TNS4: variants seen among roughly 807,000 people sequenced by gnomAD.
TNS4 encodes the protein tensin-4.
A neutral mutation model predicts 70.4 loss-of-function variants in TNS4; 46 were observed. The ratio of observed to expected loss-of-function variants is 0.65; its 90% confidence interval spans 0.52 to 0.84. The LOEUF (loss-of-function observed/expected upper bound fraction) is 0.84, where lower values mean the gene tolerates loss of function less well. Ranked by LOEUF, TNS4 falls within the 40% of genes least tolerant of loss-of-function variation. The pLI is 0.00. For missense variants in TNS4, 863 were observed against 907.0 expected, an observed-to-expected ratio of 0.95 and a Z score of 0.62; for synonymous variants, 390 against 366.6, an observed-to-expected ratio of 1.06 and a Z score of -0.73.
At chr17:40,495,761 A>G (rs1239501026) in intron 2 of TNS4, among the ~76,000 whole-genome samples, 3 of 152,156 alleles carry the variant, frequency 2.0e-5, no homozygotes, top group Non-Finnish European at 4.4e-5. Context: ...GAAAATCAGT[A>G]TCTATCACTT....
chr17:40,477,759 G>A (rs1423968020), intron 12 of TNS4, 30 bp from the exon 13 acceptor site: 2 of 1,610,716 alleles, frequency 1.2e-6, no homozygotes, highest in African/African-American at 1.3e-5. Context: ...TGAGTGAGGG[G>A]TGGGACCCAG....
chr17:40,489,134 C>T (rs2036033681), intron 2 of TNS4, among the ~76,000 whole-genome samples, 165 bp from the exon 3 acceptor site: 1 of 152,104 alleles, frequency 6.6e-6, no homozygotes, highest in African/African-American at 2.4e-5. Context: ...GGCCCAGTTC[C>T]AGTCACCCTC....
chr17:40,482,530 G>A (rs964631037), intron 6 of TNS4, 114 bp from the exon 7 acceptor site: 12 of 894,970 alleles, frequency 1.3e-5, no homozygotes, highest in Non-Finnish European at 3.5e-6. Flanking sequence ...GATCACTTGA[G>A]GTCAGGAGTT....
intron 6 of TNS4, among the ~76,000 whole-genome samples, chr17:40,484,063 A>G (rs915852626): frequency 1.3e-5 from 2 of 152,252 alleles, no homozygotes; most frequent in Non-Finnish European, 2.9e-5. Context: ...CATATAAGCT[A>G]TCACACACAT....
At chr17:40,478,417 G>T (rs2035877689) in intron 11 of TNS4, 84 bp from the exon 12 acceptor site, 1 of 1,568,036 alleles carries the variant, frequency 6.4e-7, no homozygotes. Flanking sequence ...CTGGCCAGCT[G>T]CGTCCCCACC....
At chr17:40,497,739 C>CG (rs2036164386) in intron 1 of TNS4, among the ~76,000 whole-genome samples, 1 of 145,608 alleles carries the variant, frequency 6.9e-6, no homozygotes, top group Non-Finnish European at 1.5e-5. Context: ...GGAGATGGGG[C>CG]GGGGGAGGCA....
intron 4 of TNS4, 140 bp downstream of exon 4, chr17:40,486,894 CTG>C: frequency 9.1e-7 from 1 of 1,096,336 alleles, no homozygotes; most frequent in African/African-American, 1.6e-5. Context: ...CTGTTTCCCT[CTG>C]TGTGTCCTCA....
At chr17:40,482,016 G>T in intron 8 of TNS4, 113 bp downstream of exon 8, 3 of 1,254,510 alleles carry the variant, frequency 2.4e-6, no homozygotes, top group Non-Finnish European at 3.3e-6. Context: ...AGTGCACACA[G>T]TTTTAACCGT....
intron 10 of TNS4, among the ~76,000 whole-genome samples, chr17:40,479,154 C>T (rs772634542): frequency 1.3e-5 from 2 of 152,040 alleles, no homozygotes; most frequent in East Asian, 3.9e-4. Context: ...TTCCTTCCTT[C>T]CTTCCTTTTT....
Position 40,488,943 on chromosome 17 carries a change from C to A in TNS4, c.466G>T (p.Ala156Ser). 1 of 1,591,956 alleles carries A rather than the reference C, an allele frequency of 6.3e-7. No individual in the cohort carries two copies. The highest frequency in any genetic ancestry group is 8.5e-7 in the Non-Finnish European group (1 of 1,171,408). ...GGGCCATCGTGGCACCTTGATCTGG[C>A]GGAGGTCACCTCGATGTACTTTATG... ...LDIKYIEVTS[A>S]RSRCHDGPQH... The change falls in exon 3 of 13, where the codon GCC becomes TCC. Residue 156 changes from alanine (A) to serine (S), a missense_variant. Coordinates refer to ENST00000254051, the MANE Select transcript of TNS4 (RefSeq NM_032865.6).
intron 12 of TNS4, 30 bp downstream of exon 12, chr17:40,478,277 G>C: frequency 6.2e-7 from 1 of 1,613,914 alleles, no homozygotes; most frequent in East Asian, 2.2e-5. Context: ...CCCATGTTGG[G>C]TTTGGGGCCC....
chr17:40,478,556 A>G lies in TNS4; in HGVS notation c.1979+24T>C, dbSNP rs763491047. 1.3e-5 allele frequency: 21 copies of G among 1,613,570 alleles called. No individual in the cohort carries two copies. The South Asian group carries it at 2.0e-4, about 15-fold the overall frequency. On this transcript the variant is annotated intron_variant, in intron 11 of 12. Transcript: ENST00000254051. ...CAGCGGGGCCCTGGACAGCCTTCTT[A>G]GTTTGGCCCAGCCTTGAACTTACTT...
intron 1 of TNS4, among the ~76,000 whole-genome samples, chr17:40,501,258 C>T (rs2036211377): frequency 6.6e-6 from 1 of 152,084 alleles, no homozygotes; most frequent in Non-Finnish European, 1.5e-5. Context: ...ACCAGCCTGG[C>T]CAACATGGTG....
chr17:40,495,534 A>G (rs779108149), intron 2 of TNS4, among the ~76,000 whole-genome samples: 17 of 152,078 alleles, frequency 1.1e-4, no homozygotes, highest in Non-Finnish European at 2.1e-4. Context: ...TACCATTTCC[A>G]GCGTGGGCCT....
chr17:40,488,569 A>G lies in TNS4; in HGVS notation c.840T>C (p.Ser280=). 1 of 1,510,812 alleles carries G rather than the reference A, an allele frequency of 6.6e-7. No individual in the cohort carries two copies. Among genetic ancestry groups the G allele is most frequent in the Admixed American group, 2.3e-5 (1 of 43,604 alleles). The allele number at this position is 1,510,812 out of a possible 1,614,324, so 93.6% of individuals were successfully genotyped here. ...RISVLSASPV[S]DVSYMFGSSQ... is the part of the protein sequence containing the mutation. ...ACCTTCCAAACATATAGCTGACATC[A>G]GACACTGGGCTGGCTGACAGCACAG... is the stretch of plus-strand genomic sequence containing the variant. Residue 280 remains serine (S), a synonymous_variant, in exon 3 of 13, where the codon TCT becomes TCC. Transcript: ENST00000254051.
rs1263815788 is a variant in TNS4, at chr17:40,475,969, C to CG, written c.*1618dup. Reference sequence around the variant, plus strand: ...TCTCACATTCTGCAGACTTTGGCGGCGGGGCAGTGCTCGACCACTGGCTGG... The same window carrying CG: ...TCTCACATTCTGCAGACTTTGGCGGCGGGGGCAGTGCTCGACCACTGGCTGG... On this transcript the variant is annotated 3_prime_UTR_variant, in exon 13 of 13. Coordinates refer to ENST00000254051, the MANE Select transcript of TNS4 (RefSeq NM_032865.6). 1 of 152,282 alleles carries CG rather than the reference C, an allele frequency of 6.6e-6. No homozygotes were observed. The highest frequency in any genetic ancestry group is 1.5e-5 in the Non-Finnish European group (1 of 68,102). The allele number at this position is 152,282 out of a possible 1,614,324, so 9.4% of individuals were successfully genotyped here.
chr17:40,489,934 G>T (rs568790000), intron 2 of TNS4, among the ~76,000 whole-genome samples: 1 of 152,084 alleles, frequency 6.6e-6, no homozygotes, highest in African/African-American at 2.4e-5. Context: ...GTGAACCCAG[G>T]CCTCAGTTTT....
intron 11 of TNS4, 86 bp from the exon 12 acceptor site, chr17:40,478,419 G>A (rs549949948): frequency 7.6e-5 from 118 of 1,559,050 alleles, no homozygotes; most frequent in Non-Finnish European, 8.6e-5. Context: ...GGCCAGCTGC[G>A]TCCCCACCCC....
chr17:40,481,988 G>C, intron 8 of TNS4, 141 bp downstream of exon 8: 2 of 881,984 alleles, frequency 2.3e-6, no homozygotes, highest in South Asian at 1.7e-5. Flanking sequence ...CTAGGAGGTG[G>C]AGATGTTGAG....
Sources: gnomAD v4.1 joint callset for allele counts (sites outside exome capture counted in the v4.1 genomes callset) on GRCh38, gnomAD v4.1.1 for gene constraint, MANE v1.5 for transcripts, NCBI Gene and HGNC (gene_info 2026-07-23, HGNC 2026-07-21) for gene names.